FAR1: variants seen among roughly 807,000 people sequenced by gnomAD.
The protein encoded by FAR1 is fatty acyl-CoA reductase 1, also known as male sterility domain-containing protein 2.
In FAR1, 22 loss-of-function variants were observed where a neutral mutation model predicts 61.1. The ratio of observed to expected loss-of-function variants is 0.36; its 90% CI spans 0.26 to 0.51. The LOEUF (loss-of-function observed/expected upper bound fraction) is 0.51, where lower values mean the gene tolerates loss of function less well. Ranked by LOEUF, FAR1 falls within the 20% of genes least tolerant of loss-of-function variation. The pLI is 0.95. For synonymous variants in FAR1, 206 were observed against 209.7 expected, an observed-to-expected ratio of 0.98 and a Z score of 0.15; for missense variants, 359 against 626.9, an observed-to-expected ratio of 0.57 and a Z score of 4.56.
chr11:13,674,294 G>C lies in FAR1; in HGVS notation c.-8+5488G>C, dbSNP rs1591252310. On this transcript the variant is annotated intron_variant, in intron 1 of 11. Coordinates refer to ENST00000354817, the MANE Select transcript of FAR1 (RefSeq NM_032228.6). Reference sequence around the variant, plus strand: ...ACTGCACTCCAGCCTGGACAACAGAGCAAGACTCCGTCTCAAAAAAAAAAA... The same window carrying C: ...ACTGCACTCCAGCCTGGACAACAGACCAAGACTCCGTCTCAAAAAAAAAAA... Among the ~76,000 whole-genome samples, 3 of 146,460 alleles carry C rather than the reference G, an allele frequency of 2.0e-5. No homozygotes were observed. In the East Asian group the frequency reaches 6.0e-4, roughly 29 times the overall value.
In FAR1 at chr11:13,722,466, AT is replaced by A. The variant is rs926186056; in HGVS notation, c.1257+617del. Among the ~76,000 whole-genome samples, 113 of 148,600 alleles carry A rather than the reference AT, an allele frequency of 7.6e-4. 1 individual carries two copies. The South Asian group carries it at 0.021, about 28-fold the overall frequency. On this transcript the variant is annotated intron_variant, in intron 10 of 11. Coordinates refer to ENST00000354817, the MANE Select transcript of FAR1 (RefSeq NM_032228.6). The stretch of plus-strand genomic sequence containing the variant: ...ATTAATACATTACTTCAGTTCTCTA[AT>A]TTTTTTTTTCTTTTTCTTTTTTTTT...
At chr11:13,678,102 T>C (rs1412315419) in intron 1 of FAR1, among the ~76,000 whole-genome samples, 1 of 152,176 alleles carries the variant, frequency 6.6e-6, no homozygotes, top group East Asian at 1.9e-4. Flanking sequence ...TGAGTATGCA[T>C]ATGTGGTAGG....
chr11:13,694,634 TGTTA>T, intron 1 of FAR1, 121 bp from the exon 2 acceptor site: 1 of 761,012 alleles, frequency 1.3e-6, no homozygotes. Context: ...AGTCCTCTCT[TGTTA>T]ATGTTCTATT....
At chr11:13,682,509 G>A (rs995370941) in intron 1 of FAR1, among the ~76,000 whole-genome samples, 2 of 152,158 alleles carry the variant, frequency 1.3e-5, no homozygotes, top group South Asian at 4.1e-4. Context: ...AGATTGTATG[G>A]TTCACAAAGT....
intron 2 of FAR1, among the ~76,000 whole-genome samples, chr11:13,697,930 C>T (rs1209663561): frequency 6.6e-6 from 1 of 152,032 alleles, no homozygotes; most frequent in African/African-American, 2.4e-5. Context: ...GAATGGATGT[C>T]CTTTAAATTA....
chr11:13,699,936 A>G (rs1048859233), intron 2 of FAR1, among the ~76,000 whole-genome samples: 4 of 152,150 alleles, frequency 2.6e-5, no homozygotes, highest in African/African-American at 7.2e-5. Context: ...TAAGATCTAG[A>G]TTTTAGAAAT....
At chr11:13,701,013 A>G (rs1190711717) in intron 3 of FAR1, among the ~76,000 whole-genome samples, 1 of 152,102 alleles carries the variant, frequency 6.6e-6, no homozygotes. Context: ...GACTTCTTTC[A>G]AGATTCCTGT....
chr11:13,672,245 TA>T (rs1848013289), intron 1 of FAR1, among the ~76,000 whole-genome samples: 1 of 152,184 alleles, frequency 6.6e-6, no homozygotes, highest in African/African-American at 2.4e-5. Flanking sequence ...TGTAATGTTT[TA>T]ATCTTTGGCT....
At chr11:13,686,763 T>C (rs1848191036) in intron 1 of FAR1, 1 of 152,234 alleles carries the variant, frequency 6.6e-6, no homozygotes, top group South Asian at 2.1e-4. Context: ...ATCTTGTCTT[T>C]AATTATCCAG....
intron 3 of FAR1, among the ~76,000 whole-genome samples, chr11:13,701,745 T>C (rs1848378219): frequency 6.6e-6 from 1 of 152,102 alleles, no homozygotes; most frequent in South Asian, 2.1e-4. Context: ...AGTAGTCCTT[T>C]ATGGGTTTTC....
chr11:13,716,445 G>A (rs1848557152), intron 9 of FAR1, among the ~76,000 whole-genome samples: 1 of 152,174 alleles, frequency 6.6e-6, no homozygotes, highest in East Asian at 1.9e-4. Flanking sequence ...GTTTTGGCTT[G>A]GAGTCTTTCA....
chr11:13,710,081 C>T (rs139081527), intron 4 of FAR1, among the ~76,000 whole-genome samples: 2,834 of 152,140 alleles, frequency 0.019, 41 homozygotes, highest in Non-Finnish European at 0.026. Context: ...TTCATCATAG[C>T]ATTTGTTAAT....
chr11:13,717,535 C>T (rs899864320), intron 9 of FAR1, among the ~76,000 whole-genome samples: 1 of 152,114 alleles, frequency 6.6e-6, no homozygotes, highest in African/African-American at 2.4e-5. Context: ...TTGCCTCTGC[C>T]CTCTGAGTCA....
At chr11:13,690,373 G>C (rs1347922497) in intron 1 of FAR1, among the ~76,000 whole-genome samples, 7 of 151,722 alleles carry the variant, frequency 4.6e-5, no homozygotes, top group African/African-American at 9.7e-5. Flanking sequence ...TTAATGTCTT[G>C]GGATAAACTT....
chr11:13,675,793 G>C (rs1848061411), intron 1 of FAR1, among the ~76,000 whole-genome samples: 1 of 152,078 alleles, frequency 6.6e-6, no homozygotes, highest in African/African-American at 2.4e-5. Context: ...ATCTAGTTTA[G>C]ATCATTCTTG....
At chr11:13,723,908 T>G (rs906878591) in intron 10 of FAR1, among the ~76,000 whole-genome samples, 4 of 152,168 alleles carry the variant, frequency 2.6e-5, no homozygotes, top group Admixed American at 6.5e-5. Context: ...CTCTAGAATT[T>G]TTTCTTGAAA....
At chr11:13,676,250 C>T (rs1848067493) in intron 1 of FAR1, among the ~76,000 whole-genome samples, 1 of 151,988 alleles carries the variant, frequency 6.6e-6, no homozygotes, top group Admixed American at 6.6e-5. Flanking sequence ...CAAGCTGTAG[C>T]CAGTTTAATA....
Position 13,721,686 on chromosome 11 carries a change from A to G in FAR1, c.1128-44A>G. On this transcript the variant is annotated intron_variant, in intron 9 of 11. Transcript: ENST00000354817. The surrounding 1 kb of genome is among the most constrained non-coding windows in gnomAD (Gnocchi z 4.2). ...CCTGGGTGGTGATAGGATTTTTCCTAATCTATACAAAATATGAATCTGTCC... is the reference window on the plus strand; with the variant it reads ...CCTGGGTGGTGATAGGATTTTTCCTGATCTATACAAAATATGAATCTGTCC... 6.3e-7 allele frequency: 1 copy of G among 1,580,500 alleles called. No individual in the cohort carries two copies. Among genetic ancestry groups the G allele is most frequent in the Non-Finnish European group, 8.6e-7 (1 of 1,160,076 alleles).
At chr11:13,705,969 G>A (rs1565347278) in intron 3 of FAR1, among the ~76,000 whole-genome samples, 1 of 152,154 alleles carries the variant, frequency 6.6e-6, no homozygotes, top group Non-Finnish European at 1.5e-5. Flanking sequence ...ACTTTACAGT[G>A]AAGTAGACTG....
Sources: allele counts gnomAD v4.1 joint callset (sites outside exome capture counted in the v4.1 genomes callset), GRCh38; gene constraint gnomAD v4.1.1; non-coding constraint Gnocchi (gnomAD v3.1); transcripts MANE v1.5; gene names NCBI Gene and HGNC (gene_info 2026-07-23, HGNC 2026-07-21).